The following MELTF variants were observed in gnomAD, a reference collection of about 807,000 sequenced individuals.
MELTF encodes melanotransferrin, also known as antigen p97 (melanoma associated) identified by monoclonal antibodies 133.2 and 96.5.
Under a neutral mutation model 83.7 loss-of-function variants are expected in MELTF, and 67 were observed. The observed-to-expected ratio is 0.80, with a 90% CI of 0.66 to 0.98. MELTF has a LOEUF of 0.98. Ranked by LOEUF, MELTF falls within the 50% of genes least tolerant of loss-of-function variation. The probability of loss-of-function intolerance (pLI) is 0.00; values close to 1 mark genes in which losing one functional copy is unlikely to be tolerated. For synonymous variants in MELTF, 462 were observed against 447.6 expected (o/e 1.03, Z -0.41); for missense variants, 1,002 against 1,035.6 (o/e 0.97, Z 0.44).
chr3:197,009,958 GT>G, intron 10 of MELTF, 146 bp from the exon 11 acceptor site: 1 of 756,270 alleles, frequency 1.3e-6, no homozygotes, highest in Admixed American at 2.8e-5. Context: ...AGGCCAGGGT[GT>G]TCTGGGAGCA....
At chr3:197,012,297 T>G (rs1719215609) in intron 9 of MELTF, among the ~76,000 whole-genome samples, 1 of 152,160 alleles carries the variant, frequency 6.6e-6, no homozygotes, top group African/African-American at 2.4e-5. Flanking sequence ...GGCAAGTTAC[T>G]TCCCCAGCCT....
In MELTF at chr3:197,002,607, G is replaced by A. The variant is rs1340553907; in HGVS notation, c.*765C>T. On this transcript the variant is annotated 3_prime_UTR_variant, in exon 16 of 16. Transcript: ENST00000296350. The stretch of plus-strand genomic sequence containing the variant: ...CTCCGGCTCCCTTCAGGCGGGGGGC[G>A]GCTGCTGCCGCCAGGCTCGGGCGTG... 1 of 152,266 alleles carries A rather than the reference G, an allele frequency of 6.6e-6. No individual in the cohort carries two copies. The highest frequency in any genetic ancestry group is 1.5e-5 in the Non-Finnish European group (1 of 68,104). The allele number at this position is 152,266 out of a possible 1,614,324, so 9.4% of individuals were successfully genotyped here.
intron 9 of MELTF, 140 bp downstream of exon 9, chr3:197,015,225 C>G: frequency 1.8e-6 from 2 of 1,106,910 alleles, no homozygotes; most frequent in Non-Finnish European, 2.5e-6. Flanking sequence ...TGCGGTCGCT[C>G]CTCCCCACCC....
chr3:197,019,129 T>C, intron 6 of MELTF: 1 of 986,654 alleles, frequency 1.0e-6, no homozygotes, highest in Non-Finnish European at 1.2e-6. Flanking sequence ...CTAAAGGTCA[T>C]TGTTAATGGC....
rs1182504508 is a variant in MELTF, at chr3:197,003,407, C to G, written c.2182G>C (p.Ala728Pro). Residue 728 changes from alanine (A) to proline (P), a missense_variant, in exon 16 of 16, where the codon GCC (alanine) becomes CCC (proline). Coordinates refer to ENST00000296350, the MANE Select transcript of MELTF (RefSeq NM_005929.6). This position sits in a 1 kb window ranked among gnomAD's most constrained non-coding sequence, Gnocchi z 6.2. ...GGCGGGAGCAGGCGGGCGGCGAGGG[C>G]GGGCAGCAGCAGCGGGAGCAGGGGC... ...GAPLLPLLLP[A>P]LAARLLPPAL is the part of the protein sequence containing the mutation. 13 of 1,082,008 alleles carry G rather than the reference C, an allele frequency of 1.2e-5. No homozygotes were observed. Among genetic ancestry groups the G allele is most frequent in the African/African-American group, 3.4e-5 (2 of 58,130 alleles). 67.0% of individuals were successfully genotyped at this position (1,082,008 alleles called of 1,614,324 possible). A position where few individuals can be genotyped will look rare whatever the true frequency, so the allele number is the denominator to read the frequency against.
chr3:197,027,449 A>ACCG (rs1423730255), intron 2 of MELTF, among the ~76,000 whole-genome samples: 1 of 152,202 alleles, frequency 6.6e-6, no homozygotes, highest in Non-Finnish European at 1.5e-5. Flanking sequence ...TGAGCAAGTA[A>ACCG]CCGCCTGCGG....
At chr3:197,028,170 G>C in intron 1 of MELTF, 1 of 477,208 alleles carries the variant, frequency 2.1e-6, no homozygotes, top group Non-Finnish European at 3.8e-6. Flanking sequence ...TGGAGGAATG[G>C]GAGGGTCTAC....
At position 197,017,269 on chromosome 3, in the gene MELTF, C is replaced by T. The variant is rs1320265595; in HGVS notation, c.734G>A (p.Gly245Asp). 3 of 1,567,116 alleles carry T rather than the reference C, an allele frequency of 1.9e-6. No homozygotes were observed. The highest frequency in any genetic ancestry group is 2.6e-6 in the Non-Finnish European group (3 of 1,156,146). ...GAAGTCCTGTGACAGCAGGGCCTGG[C>T]CCCAGGAGGGAAGCGTCTTCCCTGG... ...NTDGKTLPSWGQALLSQDFEL... is the reference protein window; with the variant it reads ...NTDGKTLPSWDQALLSQDFEL... Residue 245 changes from glycine (G) to aspartate (D), a missense_variant, in exon 7 of 16, where the codon GGC (glycine) becomes GAC (aspartate). By Grantham distance (94) the Gly-to-Asp change is moderately conservative. Transcript: ENST00000296350.
At position 197,024,768 on chromosome 3, in the gene MELTF, T is replaced by A. The variant is rs544988854; in HGVS notation, c.305-283A>T. Among the ~76,000 whole-genome samples, 1 of 152,198 alleles carries A rather than the reference T, an allele frequency of 6.6e-6. No homozygotes were observed. Among genetic ancestry groups the A allele is most frequent in the African/African-American group, 2.4e-5 (1 of 41,512 alleles). On this transcript the variant is annotated intron_variant, in intron 3 of 15. Coordinates refer to ENST00000296350, the MANE Select transcript of MELTF (RefSeq NM_005929.6). The surrounding 1 kb of genome is among the most constrained non-coding windows in gnomAD (Gnocchi z 5.3). ...CCCCAGCAGCTGGTGCTTAGCTGGG[T>A]CCACATTTGCTCACATCAGGGGAGT...
Position 197,027,906 on chromosome 3 carries a change from G to T in MELTF, c.54C>A (p.Leu18=). ...LWLLLALRTV[L]GGMEVRWCAT... ...CGCACCACCGCACCTCCATGCCACC[G>T]AGCACTGCGGGCAGGGGACCGTGAG... Residue 18 remains leucine (L), a synonymous_variant, in exon 2 of 16, where the codon CTC becomes CTA. Transcript: ENST00000296350. 3 of 1,584,440 alleles carry T rather than the reference G, an allele frequency of 1.9e-6. No individual in the cohort carries two copies. Among genetic ancestry groups the T allele is most frequent in the Non-Finnish European group, 2.6e-6 (3 of 1,166,470 alleles).
At position 197,001,762 on chromosome 3, in the gene MELTF, T is replaced by C. The variant is rs1060357; in HGVS notation, c.*1610A>G. 1 of 151,582 alleles carries C rather than the reference T, an allele frequency of 6.6e-6. No homozygotes were observed. The highest frequency in any genetic ancestry group is 2.4e-5 in the African/African-American group (1 of 41,246). 9.4% of individuals were successfully genotyped at this position (151,582 alleles called of 1,614,324 possible). On this transcript the variant is annotated 3_prime_UTR_variant, in exon 16 of 16. Transcript: ENST00000296350. ...AAGTTTCTATCAGGGTCCAAGCCTC[T>C]GCATGTGCTGGCTTGTTTGGCTTTA...
At chr3:197,014,082 A>G (rs925659483) in intron 9 of MELTF, among the ~76,000 whole-genome samples, 2 of 152,240 alleles carry the variant, frequency 1.3e-5, no homozygotes, top group African/African-American at 4.8e-5. Flanking sequence ...CACTGGCCAC[A>G]ATAGCCAGGA....
chr3:197,021,277 C>T (rs1329369739), intron 6 of MELTF, 127 bp downstream of exon 6: 3 of 811,034 alleles, frequency 3.7e-6, no homozygotes, highest in African/African-American at 3.4e-5. Flanking sequence ...TGTCCAAGGT[C>T]ACCCAGAGAC....
chr3:197,015,264 T>A, intron 9 of MELTF, 101 bp downstream of exon 9: 1 of 1,352,178 alleles, frequency 7.4e-7, no homozygotes, highest in Non-Finnish European at 1.0e-6. Context: ...CAGTAGACAC[T>A]CTCCTCTTCC....
Position 197,015,499 on chromosome 3 carries a change from G to GC in MELTF, c.1098dup (p.Arg367AlafsTer47). 4 of 1,611,294 alleles carry GC rather than the reference G, an allele frequency of 2.5e-6. No homozygotes were observed. Among genetic ancestry groups the GC allele is most frequent in the Non-Finnish European group, 3.4e-6 (4 of 1,179,014 alleles). On this transcript the variant is annotated frameshift_variant, in exon 9 of 16. Transcript: ENST00000296350. LOFTEE classifies it high-confidence loss of function. ...TCGGGAGTGGAGAGCACACACCAGC[G>GC]CAGGTAGGGGGGCAGCCCTGGGGTG... is the stretch of plus-strand genomic sequence containing the variant.
At chr3:197,026,357 C>T (rs1577948767) in intron 3 of MELTF, 1 of 361,728 alleles carries the variant, frequency 2.8e-6, no homozygotes, top group South Asian at 4.1e-5. Flanking sequence ...CAGTTACGCA[C>T]ACAGCACCGT....
In MELTF at chr3:197,024,360, C is replaced by A. The variant is rs144387299; in HGVS notation, c.430G>T (p.Val144Leu). 4.1e-5 allele frequency: 66 copies of A among 1,602,274 alleles called. No individual in the cohort carries two copies. In the African/African-American group the frequency reaches 8.7e-4, roughly 21 times the overall value. ...INRTVGWNVP[V>L]GYLVESGRLS... ...CGGCCGCTCTCCACCAGGTAGCCCA[C>A]GGGCACGTTCCAGCCCACTGTGCGA... The change falls in exon 4 of 16, where the codon GTG becomes TTG. Residue 144 changes from valine (V) to leucine (L), a missense_variant. Coordinates refer to ENST00000296350, the MANE Select transcript of MELTF (RefSeq NM_005929.6). The surrounding 1 kb of genome is among the most constrained non-coding windows in gnomAD (Gnocchi z 5.3).
At chr3:197,010,663 C>T (rs774804826) in intron 10 of MELTF, 35 bp downstream of exon 10, 3 of 1,566,446 alleles carry the variant, frequency 1.9e-6, no homozygotes, top group Non-Finnish European at 1.8e-6. Flanking sequence ...ATCCCCACCT[C>T]CCGGCTGAGG....
chr3:197,017,774 G>A (rs944644228), intron 6 of MELTF, among the ~76,000 whole-genome samples: 1 of 152,154 alleles, frequency 6.6e-6, no homozygotes, highest in Non-Finnish European at 1.5e-5. Flanking sequence ...CTACTGGGGA[G>A]GCTGAGGCAG....
Sources: gnomAD v4.1 joint callset for allele counts (sites outside exome capture counted in the v4.1 genomes callset) on GRCh38, gnomAD v4.1.1 for gene constraint, Gnocchi (gnomAD v3.1) non-coding constraint, MANE v1.5 for transcripts, NCBI Gene and HGNC (gene_info 2026-07-23, HGNC 2026-07-21) for gene names.